CCDC82: variants seen among roughly 807,000 people sequenced by gnomAD.
The protein encoded by CCDC82 is coiled-coil domain-containing protein 82.
CCDC82 carries 47 observed loss-of-function variants against 60.6 expected under a neutral mutation model. That is an observed-to-expected ratio of 0.77 (90% confidence interval 0.61 to 0.99). CCDC82 has a LOEUF of 0.99. Ranked by LOEUF, CCDC82 falls within the 50% of genes least tolerant of loss-of-function variation. The pLI is 0.00. For synonymous variants in CCDC82, 212 were observed against 207.4 expected (o/e 1.02, Z -0.19); for missense variants, 588 against 633.0 (o/e 0.93, Z 0.76).
Position 96,371,058 on chromosome 11 carries a change from A to T in CCDC82, c.1164T>A (p.Arg388=). 1 of 1,607,328 alleles carries T rather than the reference A, an allele frequency of 6.2e-7. No homozygotes were observed. The highest frequency in any genetic ancestry group is 8.5e-7 in the Non-Finnish European group (1 of 1,177,218). ...HYLDNRFVQP[R]LESLVSRSRW... ...GACTTCTAGATACCAAGCTCTCTAG[A>T]CGAGGCTGAACAAAGCGGTTATCCA... Residue 388 remains arginine, a synonymous_variant, in exon 7 of 10, where the codon CGT becomes CGA. Coordinates refer to ENST00000646818, the MANE Select transcript of CCDC82 (RefSeq NM_024725.4).
chr11:96,369,624 A>C (rs942709325), intron 7 of CCDC82, among the ~76,000 whole-genome samples: 1 of 152,180 alleles, frequency 6.6e-6, no homozygotes, highest in African/African-American at 2.4e-5. Flanking sequence ...TCAAACAATT[A>C]TAATAGTAAC....
chr11:96,382,974 ATTATT>A, intron 5 of CCDC82: 1 of 245,476 alleles, frequency 4.1e-6, no homozygotes, highest in South Asian at 1.5e-4. Context: ...TTTACTAAGG[ATTATT>A]TTAAATGAAT....
intron 3 of CCDC82, chr11:96,385,790 A>G (rs1866158154): frequency 6.6e-6 from 1 of 152,208 alleles, no homozygotes; most frequent in African/African-American, 2.4e-5. Context: ...AAGAACAATT[A>G]GTGACACGTA....
At chr11:96,376,617 A>C (rs758932569) in intron 5 of CCDC82, among the ~76,000 whole-genome samples, 16 of 151,756 alleles carry the variant, frequency 1.1e-4, no homozygotes, top group Non-Finnish European at 1.8e-4. Flanking sequence ...TAGTAGAGAC[A>C]GGGTTTCTGT....
intron 9 of CCDC82, chr11:96,355,654 G>A (rs1439672449): frequency 6.6e-6 from 1 of 152,222 alleles, no homozygotes; most frequent in African/African-American, 2.4e-5. Context: ...CCAGTTTAGA[G>A]TATGCTGTTT....
intron 5 of CCDC82, chr11:96,381,190 G>A (rs1310546932): frequency 6.6e-6 from 1 of 151,576 alleles, no homozygotes; most frequent in Non-Finnish European, 1.5e-5. Flanking sequence ...GAGTTGATAT[G>A]AGTTGGCATC....
chr11:96,377,600 G>C (rs996956681), intron 5 of CCDC82, among the ~76,000 whole-genome samples: 1 of 151,902 alleles, frequency 6.6e-6, no homozygotes, highest in African/African-American at 2.4e-5. Context: ...TTAAAAGCCA[G>C]GTATGGACAT....
intron 5 of CCDC82, chr11:96,382,553 C>G (rs1865933866): frequency 6.6e-6 from 1 of 151,682 alleles, no homozygotes; most frequent in South Asian, 2.1e-4. Context: ...ATCACAAAAT[C>G]ATGCATGGGG....
At chr11:96,359,811 TTC>T (rs1864545462) in intron 8 of CCDC82, among the ~76,000 whole-genome samples, 1 of 151,464 alleles carries the variant, frequency 6.6e-6, no homozygotes, top group East Asian at 1.9e-4. Flanking sequence ...TACTTTTCTT[TTC>T]CCCCCCCAAA....
intron 8 of CCDC82, chr11:96,362,987 T>TG (rs1260938771): frequency 2.0e-5 from 3 of 151,664 alleles, no homozygotes; most frequent in African/African-American, 7.3e-5. Context: ...TTTTTTGAGA[T>TG]GGAGTCTCGC....
intron 7 of CCDC82, among the ~76,000 whole-genome samples, chr11:96,367,826 T>TTC (rs1231729962): frequency 2.9e-4 from 44 of 149,722 alleles, no homozygotes; most frequent in African/African-American, 1.1e-3. Context: ...ATTTCTTTTT[T>TTC]TTTTTTTTTT....
At chr11:96,368,205 T>A (rs1207581501) in intron 7 of CCDC82, among the ~76,000 whole-genome samples, 2 of 152,190 alleles carry the variant, frequency 1.3e-5, no homozygotes, top group Non-Finnish European at 2.9e-5. Flanking sequence ...CTGGGAGGTA[T>A]TAAAATGATA....
chr11:96,384,785 T>C, intron 3 of CCDC82, 24 bp from the exon 4 acceptor site: 2 of 1,440,146 alleles, frequency 1.4e-6, no homozygotes, highest in Admixed American at 4.5e-5. Context: ...TTGTTAGGAA[T>C]ATAACAGTGA....
rs773304204 is a variant in CCDC82 at position 96,384,410 on chromosome 11, G to A, written c.338C>T (p.Thr113Met). The A allele has an allele frequency of 3.1e-6, 5 of 1,613,498 alleles. No individual in the cohort carries two copies. The highest frequency in any genetic ancestry group is 2.2e-5 in the South Asian group (2 of 91,060). The change falls in exon 4 of 10, where the codon ACG becomes ATG. Residue 113 changes from threonine (T) to methionine (M), a missense_variant. By Grantham distance (81) the Thr-to-Met change is moderately conservative. Coordinates refer to ENST00000646818, the MANE Select transcript of CCDC82 (RefSeq NM_024725.4). ...SGNGSTYEEE[T>M]NKIKHRNIDL... ...AATATTCCTATGTTTGATTTTGTTCGTTTCTTCTTCATATGTTGAACCGTT... is the reference window on the plus strand; with the variant it reads ...AATATTCCTATGTTTGATTTTGTTCATTTCTTCTTCATATGTTGAACCGTT...
intron 5 of CCDC82, among the ~76,000 whole-genome samples, chr11:96,375,546 T>C (rs752493007): frequency 5.9e-5 from 9 of 152,216 alleles, no homozygotes; most frequent in Non-Finnish European, 1.0e-4. Context: ...CCAGGCATCA[T>C]TGTAAGCATT....
At chr11:96,357,985 T>C (rs1041917168) in intron 9 of CCDC82, 1 of 985,238 alleles carries the variant, frequency 1.0e-6, no homozygotes, top group Non-Finnish European at 1.2e-6. Flanking sequence ...GGGAGAAAAA[T>C]TGTCAAAGGG....
intron 8 of CCDC82, among the ~76,000 whole-genome samples, chr11:96,360,601 G>C (rs1864608981): frequency 6.6e-6 from 1 of 152,132 alleles, no homozygotes; most frequent in African/African-American, 2.4e-5. Flanking sequence ...GTAACCTAAG[G>C]AAAGAGTAAA....
intron 5 of CCDC82, among the ~76,000 whole-genome samples, chr11:96,378,982 C>T (rs1179465115): frequency 6.6e-6 from 1 of 151,926 alleles, no homozygotes; most frequent in African/African-American, 2.4e-5. Flanking sequence ...GAATTGCTCA[C>T]TTCAAAAAGG....
intron 7 of CCDC82, among the ~76,000 whole-genome samples, chr11:96,365,970 C>T (rs1193734329): frequency 2.0e-5 from 3 of 152,190 alleles, no homozygotes; most frequent in Admixed American, 1.3e-4. Context: ...TGACAGTTTA[C>T]TTTTTATATT....
Sources: allele counts gnomAD v4.1 joint callset (sites outside exome capture counted in the v4.1 genomes callset), GRCh38; gene constraint gnomAD v4.1.1; transcripts MANE v1.5; gene names NCBI Gene and HGNC (gene_info 2026-07-23, HGNC 2026-07-21).